Variants in EBPL observed in about 807,000 individuals in gnomAD.
The protein encoded by EBPL is emopamil-binding protein-like.
Under a neutral mutation model 19.0 loss-of-function variants are expected in EBPL, and 20 were observed. That is an observed-to-expected ratio of 1.05 (90% CI 0.74 to 1.53). The LOEUF (loss-of-function observed/expected upper bound fraction) is 1.53, where lower values mean the gene tolerates loss of function less well. Ranked by LOEUF, EBPL falls within the 40% of genes most tolerant of loss-of-function variation. The probability of loss-of-function intolerance (pLI) is 0.00; values close to 1 mark genes in which losing one functional copy is unlikely to be tolerated. For synonymous variants in EBPL, 107 were observed against 117.0 expected, an observed-to-expected ratio of 0.91 and a Z score of 0.55; for missense variants, 219 against 261.1, an observed-to-expected ratio of 0.84 and a Z score of 1.11.
At chr13:49,684,328 T>C (rs1953974291) in intron 1 of EBPL, among the ~76,000 whole-genome samples, 1 of 152,152 alleles carries the variant, frequency 6.6e-6, no homozygotes. Context: ...CATACAAATA[T>C]AGGTATATCT....
intron 1 of EBPL, among the ~76,000 whole-genome samples, chr13:49,677,964 C>G (rs1024119235): frequency 1.3e-5 from 2 of 152,154 alleles, no homozygotes; most frequent in African/African-American, 4.8e-5. Flanking sequence ...GACCCAAAGA[C>G]TGAGCAGCAG....
At chr13:49,679,019 A>AG (rs59446915) in intron 1 of EBPL, among the ~76,000 whole-genome samples, 2 of 150,798 alleles carry the variant, frequency 1.3e-5, no homozygotes, top group Non-Finnish European at 3.0e-5. Flanking sequence ...AAAAAAAAAA[A>AG]GACTATTCAG....
chr13:49,683,547 AAAAAAAAC>A (rs1953965459), intron 1 of EBPL, among the ~76,000 whole-genome samples: 1 of 62,260 alleles, frequency 1.6e-5, no homozygotes, highest in Non-Finnish European at 5.1e-5. Flanking sequence ...ACAAACAAAC[AAAAAAAAC>A]AAAAACAAAA....
At position 49,674,254 on chromosome 13, in the gene EBPL, C is replaced by T. The variant is rs549289548; in HGVS notation, c.172-4408G>A. Among the ~76,000 whole-genome samples, 3 of 152,260 alleles carry T rather than the reference C, an allele frequency of 2.0e-5. No individual in the cohort carries two copies. In the South Asian group the frequency reaches 6.2e-4, roughly 32 times the overall value. Reference sequence around the variant, plus strand: ...AGTAGCTGGGGTTACAGGTGCCCGCCACCATGCCTGGCTAATTTTTTGTAT... The same window carrying T: ...AGTAGCTGGGGTTACAGGTGCCCGCTACCATGCCTGGCTAATTTTTTGTAT... On this transcript the variant is annotated intron_variant, in intron 1 of 3. Coordinates refer to ENST00000242827, the MANE Select transcript of EBPL (RefSeq NM_032565.5).
chr13:49,668,191 T>C (rs994929164), intron 2 of EBPL: 1 of 155,122 alleles, frequency 6.4e-6, no homozygotes, highest in Non-Finnish European at 1.4e-5. Context: ...ATGAGCCTAC[T>C]CAATTCTCTA....
chr13:49,667,322 G>A (rs1340721592), intron 2 of EBPL, among the ~76,000 whole-genome samples: 3 of 152,182 alleles, frequency 2.0e-5, no homozygotes, highest in Non-Finnish European at 4.4e-5. Flanking sequence ...CTTAGGTGAG[G>A]TTTACAAGGA....
chr13:49,670,224 C>CT (rs1213421086), intron 1 of EBPL, among the ~76,000 whole-genome samples: 4 of 151,956 alleles, frequency 2.6e-5, no homozygotes, highest in East Asian at 1.9e-4. Context: ...CAGAAGTTCA[C>CT]TTTTTTTTAA....
intron 1 of EBPL, among the ~76,000 whole-genome samples, chr13:49,679,690 A>G (rs1165453486): frequency 6.6e-6 from 1 of 151,826 alleles, no homozygotes; most frequent in Non-Finnish European, 1.5e-5. Flanking sequence ...TTAATTGTAG[A>G]GACGGGGTCT....
Position 49,691,265 on chromosome 13 carries a change from G to T in EBPL, c.160C>A (p.His54Asn). The part of the protein sequence containing the change: ...LIWLCYDALV[H>N]FALEGPFVYL... ...GCGATGGCACTTACCAGCGCGAAGT[G>T]CACCAGCGCGTCGTAGCAGAGCCAG... Residue 54 changes from histidine to asparagine, a missense_variant, in exon 1 of 4, where the codon CAC (histidine) becomes AAC (asparagine). His to Asn is a moderately conservative substitution (Grantham distance 68). Around this residue, in one of 2 missense-constraint regions of EBPL, gnomAD observed 170 missense variants for 167.0 expected, o/e 1.02. Coordinates refer to ENST00000242827, the MANE Select transcript of EBPL (RefSeq NM_032565.5). The T allele has an allele frequency of 7.2e-7, 1 of 1,398,454 alleles. No homozygotes were observed. The allele number at this position is 1,398,454 out of a possible 1,614,324, so 86.6% of individuals were successfully genotyped here.
intron 1 of EBPL, among the ~76,000 whole-genome samples, chr13:49,675,589 T>G (rs1953866419): frequency 2.0e-5 from 3 of 152,262 alleles, no homozygotes; most frequent in Admixed American, 2.0e-4. Flanking sequence ...TTTATTCATT[T>G]GCTGGTGGAC....
intron 2 of EBPL, among the ~76,000 whole-genome samples, chr13:49,666,723 A>AC (rs1160880550): frequency 2.7e-5 from 4 of 150,304 alleles, no homozygotes; most frequent in Non-Finnish European, 5.9e-5. Context: ...AAAAAAAAAA[A>AC]AAAAAAAAAA....
At chr13:49,676,120 G>A (rs532905521) in intron 1 of EBPL, among the ~76,000 whole-genome samples, 1 of 152,324 alleles carries the variant, frequency 6.6e-6, no homozygotes, top group African/African-American at 2.4e-5. Flanking sequence ...CACTGGGCTA[G>A]ACTGCCCCAT....
At chr13:49,672,266 C>T (rs1953825591) in intron 1 of EBPL, among the ~76,000 whole-genome samples, 1 of 152,198 alleles carries the variant, frequency 6.6e-6, no homozygotes, top group South Asian at 2.1e-4. Context: ...TTTTAGACTG[C>T]CCTATCTCTT....
intron 1 of EBPL, among the ~76,000 whole-genome samples, chr13:49,684,230 C>T (rs1953973510): frequency 6.6e-6 from 1 of 152,142 alleles, no homozygotes; most frequent in Admixed American, 6.5e-5. Flanking sequence ...ATTCACCAAA[C>T]TGTACACAGA....
At chr13:49,666,722 A>C (rs1409141610) in intron 2 of EBPL, among the ~76,000 whole-genome samples, 3 of 150,136 alleles carry the variant, frequency 2.0e-5, no homozygotes, top group East Asian at 1.9e-4. Context: ...AAAAAAAAAA[A>C]AAAAAAAAAA....
At position 49,680,730 on chromosome 13, in the gene EBPL, G is replaced by A. The variant is rs891424127; in HGVS notation, c.171+10524C>T. Among the ~76,000 whole-genome samples the A allele has an allele frequency of 6.6e-5, 10 of 152,252 alleles. No individual in the cohort carries two copies. In the South Asian group the frequency reaches 1.0e-3, roughly 16 times the overall value. On this transcript the variant is annotated intron_variant, in intron 1 of 3. Transcript: ENST00000242827. The stretch of plus-strand genomic sequence containing the variant: ...CCAGCTACTCAGGAGGCTGAGGCAG[G>A]AGAATTGCTTGAACCAGGGAGGCGG...
chr13:49,668,151 A>C (rs898018383), intron 2 of EBPL: 2 of 153,010 alleles, frequency 1.3e-5, no homozygotes, highest in African/African-American at 4.8e-5. Context: ...GAGGCATCAA[A>C]GATGACACCT....
intron 2 of EBPL, among the ~76,000 whole-genome samples, chr13:49,665,476 G>C (rs1383920781): frequency 6.6e-6 from 1 of 152,180 alleles, no homozygotes; most frequent in East Asian, 1.9e-4. Context: ...TCACCATGTT[G>C]GTCAGGCTGG....
intron 1 of EBPL, among the ~76,000 whole-genome samples, chr13:49,690,431 A>AAC (rs1250129867): frequency 6.8e-6 from 1 of 146,586 alleles, no homozygotes; most frequent in Non-Finnish European, 1.5e-5. Context: ...AAAAAAAAAA[A>AAC]AACAAACTGA....
Sources: allele counts gnomAD v4.1 joint callset (sites outside exome capture counted in the v4.1 genomes callset), GRCh38; gene constraint gnomAD v4.1.1; regional missense constraint gnomAD v4.1.1; transcripts MANE v1.5; gene names NCBI Gene and HGNC (gene_info 2026-07-23, HGNC 2026-07-21).